BRINP3: variants seen among roughly 807,000 people sequenced by gnomAD.
BRINP3 encodes BMP/retinoic acid-inducible neural-specific protein 3.
A neutral mutation model predicts 71.0 loss-of-function variants in BRINP3; 19 were observed. That is an observed-to-expected ratio of 0.27 (90% confidence interval 0.19 to 0.39). BRINP3 has a LOEUF of 0.39. BRINP3 is among the 10% of genes least tolerant of loss of function. The probability of loss-of-function intolerance (pLI) is 1.00; values close to 1 mark genes in which losing one functional copy is unlikely to be tolerated. For synonymous variants in BRINP3, 380 were observed against 337.7 expected, an observed-to-expected ratio of 1.13 and a Z score of -1.37; for missense variants, 959 against 940.8, an observed-to-expected ratio of 1.02 and a Z score of -0.25.
chr1:190,128,115 C>G (rs1258213740), intron 7 of BRINP3, among the ~76,000 whole-genome samples: 1 of 151,718 alleles, frequency 6.6e-6, no homozygotes, highest in East Asian at 1.9e-4. Flanking sequence ...AGTCAGTCAA[C>G]ATTTCTATCT....
rs879438627 is a variant in BRINP3, at chr1:190,429,809, G to A, written c.236+24846C>T. Among the ~76,000 whole-genome samples, 22 of 151,892 alleles carry A rather than the reference G, an allele frequency of 1.4e-4. 1 individual carries two copies. The highest frequency in any genetic ancestry group is 6.2e-4 in the South Asian group (3 of 4,804). ...TCACCATCTTGGCCAGACTGGTCTC[G>A]AACTCCCGACATCAAGTCATCTGCC... On this transcript the variant is annotated intron_variant, in intron 2 of 7. Transcript: ENST00000367462.
chr1:190,110,181 G>A (rs1291755080), intron 7 of BRINP3, among the ~76,000 whole-genome samples: 1 of 152,096 alleles, frequency 6.6e-6, no homozygotes, highest in Non-Finnish European at 1.5e-5. Context: ...TGCTTTAATA[G>A]TCTCCAGTTA....
chr1:190,330,345 G>C (rs1354592687), intron 2 of BRINP3, among the ~76,000 whole-genome samples: 1 of 151,902 alleles, frequency 6.6e-6, no homozygotes, highest in Non-Finnish European at 1.5e-5. Context: ...CCTCTTAAAA[G>C]AAGACATACA....
chr1:190,449,589 T>C (rs1241572042), intron 2 of BRINP3, among the ~76,000 whole-genome samples: 1 of 152,022 alleles, frequency 6.6e-6, no homozygotes, highest in Non-Finnish European at 1.5e-5. Flanking sequence ...ACATAATATG[T>C]ATAATATATT....
At chr1:190,337,148 A>G (rs775338093) in intron 2 of BRINP3, among the ~76,000 whole-genome samples, 1 of 151,938 alleles carries the variant, frequency 6.6e-6, no homozygotes, top group African/African-American at 2.4e-5. Flanking sequence ...CCGCCATGGT[A>G]GATACCTAGA....
At chr1:190,381,558 A>T (rs1670551180) in intron 2 of BRINP3, among the ~76,000 whole-genome samples, 1 of 152,144 alleles carries the variant, frequency 6.6e-6, no homozygotes, top group Non-Finnish European at 1.5e-5. Flanking sequence ...CTATAGCTTT[A>T]ATATTTTAAT....
chr1:190,414,342 T>C (rs1340810235), intron 2 of BRINP3, among the ~76,000 whole-genome samples: 1 of 152,018 alleles, frequency 6.6e-6, no homozygotes, highest in Non-Finnish European at 1.5e-5. Context: ...ACTGTGTTTT[T>C]TTTTTGTTGT....
At chr1:190,404,039 A>T (rs1672107455) in intron 2 of BRINP3, among the ~76,000 whole-genome samples, 1 of 152,204 alleles carries the variant, frequency 6.6e-6, no homozygotes, top group African/African-American at 2.4e-5. Flanking sequence ...AAAAAGTTCT[A>T]AGAGAGCTCA....
intron 7 of BRINP3, among the ~76,000 whole-genome samples, chr1:190,139,238 A>G (rs1655223985): frequency 1.3e-5 from 2 of 151,798 alleles, no homozygotes; most frequent in Admixed American, 6.6e-5. Flanking sequence ...GCTTGAGCCT[A>G]GGGGTTTGAG....
chr1:190,334,896 T>C (rs139762881), intron 2 of BRINP3, among the ~76,000 whole-genome samples: 113 of 151,862 alleles, frequency 7.4e-4, no homozygotes, highest in African/African-American at 2.6e-3. Context: ...GGTGGTAGTC[T>C]CTATAAGAAG....
intron 6 of BRINP3, among the ~76,000 whole-genome samples, chr1:190,170,103 T>G (rs1405988855): frequency 6.6e-6 from 1 of 152,154 alleles, no homozygotes; most frequent in Non-Finnish European, 1.5e-5. Flanking sequence ...TCCCTACACT[T>G]AAAGAGTGCT....
intron 2 of BRINP3, among the ~76,000 whole-genome samples, chr1:190,323,507 T>C (rs922062690): frequency 1.3e-5 from 2 of 151,858 alleles, no homozygotes; most frequent in South Asian, 2.1e-4. Context: ...GCATTGTACC[T>C]GTTTAATTTT....
intron 2 of BRINP3, among the ~76,000 whole-genome samples, chr1:190,427,677 C>A (rs114798567): frequency 0.015 from 2,340 of 151,962 alleles, 62 homozygotes; most frequent in African/African-American, 0.053. Context: ...AGGAGTGCAG[C>A]CTTCTGACCT....
intron 6 of BRINP3, among the ~76,000 whole-genome samples, chr1:190,181,855 T>C (rs1439990232): frequency 6.6e-6 from 1 of 152,042 alleles, no homozygotes; most frequent in Non-Finnish European, 1.5e-5. Flanking sequence ...CTGTTATTTC[T>C]TTCTGTTTAG....
rs761166562 is a variant in BRINP3 at position 190,098,037 on chromosome 1, G to A, written c.2282C>T (p.Thr761Met). ...AKLPNTMDYD[T>M]TKLCS Reference sequence around the variant, plus strand: ...TTATGGTTAACTACATAATTTGGTCGTGTCATAATCCATTGTGTTTGGCAA... The same window carrying A: ...TTATGGTTAACTACATAATTTGGTCATGTCATAATCCATTGTGTTTGGCAA... The change falls in exon 8 of 8, where the codon ACG becomes ATG. Residue 761 changes from threonine to methionine, a missense_variant. Physicochemically the swap from Thr to Met is moderately conservative, Grantham distance 81. Coordinates refer to ENST00000367462, the MANE Select transcript of BRINP3 (RefSeq NM_199051.3). 6.6e-5 allele frequency: 106 copies of A among 1,605,956 alleles called. No individual in the cohort carries two copies. Among genetic ancestry groups the A allele is most frequent in the Non-Finnish European group, 8.8e-5 (103 of 1,176,168 alleles).
chr1:190,392,509 A>G (rs776551554), intron 2 of BRINP3, among the ~76,000 whole-genome samples: 15 of 151,678 alleles, frequency 9.9e-5, no homozygotes, highest in Non-Finnish European at 2.1e-4. Flanking sequence ...TGCATCTCTT[A>G]TATGATACAT....
intron 7 of BRINP3, among the ~76,000 whole-genome samples, chr1:190,151,638 C>A (rs186579887): frequency 6.6e-6 from 1 of 152,188 alleles, no homozygotes; most frequent in East Asian, 1.9e-4. Flanking sequence ...AATGAATCAG[C>A]ATTTTATTTG....
intron 7 of BRINP3, among the ~76,000 whole-genome samples, chr1:190,105,599 C>G (rs1652082012): frequency 6.6e-6 from 1 of 152,050 alleles, no homozygotes; most frequent in Non-Finnish European, 1.5e-5. Flanking sequence ...CAAGATCTAG[C>G]AGCTAGTGAG....
In BRINP3 at chr1:190,137,963, T is replaced by C. The variant is rs1054834930; in HGVS notation, c.1184+22705A>G. Among the ~76,000 whole-genome samples the C allele has an allele frequency of 9.2e-5, 14 of 151,464 alleles. 1 individual carries two copies. The highest frequency in any genetic ancestry group is 7.2e-4 in the Admixed American group (11 of 15,194). ...AAGACTTCCTAGTTTTTTTTTTTTG[T>C]TTGTATTTTAGATGGAGTTTTGCTC... On this transcript the variant is annotated intron_variant, in intron 7 of 7. Coordinates refer to ENST00000367462, the MANE Select transcript of BRINP3 (RefSeq NM_199051.3).
Sources: gnomAD v4.1 joint callset for allele counts (sites outside exome capture counted in the v4.1 genomes callset) on GRCh38, gnomAD v4.1.1 for gene constraint, MANE v1.5 for transcripts, NCBI Gene and HGNC (gene_info 2026-07-23, HGNC 2026-07-21) for gene names.